Variants in MGAT5 observed in about 807,000 individuals in gnomAD.
The protein encoded by MGAT5 is alpha-1,6-mannosylglycoprotein 6-beta-N-acetylglucosaminyltransferase, also known as alpha-1,6-mannosylglycoprotein 6-beta-N-acetylglucosaminyltransferase A.
In MGAT5, 30 loss-of-function variants were observed where a neutral mutation model predicts 94.3. The ratio of observed to expected loss-of-function variants is 0.32; its 90% CI spans 0.24 to 0.43. MGAT5 has a LOEUF of 0.43. MGAT5 is among the 20% of genes least tolerant of loss of function. MGAT5 has a pLI of 1.00. For missense variants in MGAT5, 691 were observed against 905.5 expected (o/e 0.76, Z 3.04); for synonymous variants, 310 against 322.9 (o/e 0.96, Z 0.43).
At chr2:134,186,154 A>G (rs1336197469) in intron 1 of MGAT5, among the ~76,000 whole-genome samples, 1 of 152,240 alleles carries the variant, frequency 6.6e-6, no homozygotes, top group Non-Finnish European at 1.5e-5. Context: ...TGTCTCCCCA[A>G]ATGGGAAAGA....
In MGAT5 at chr2:134,451,143, CCTT is replaced by C. The variant is rs1337912358; in HGVS notation, c.*2297_*2299del. ...CTTAAGCAAGGAAGCTGAAAGGTAA[CCTT>C]AGCCCTGCCTTGTGTTCCAAAAGCT... On this transcript the variant is annotated 3_prime_UTR_variant, in exon 16 of 16. Transcript: ENST00000281923. 4 of 152,160 alleles carry C rather than the reference CCTT, an allele frequency of 2.6e-5. No homozygotes were observed. Among genetic ancestry groups the C allele is most frequent in the African/African-American group, 9.7e-5 (4 of 41,422 alleles). 9.4% of individuals were successfully genotyped at this position (152,160 alleles called of 1,614,324 possible).
intron 1 of MGAT5, among the ~76,000 whole-genome samples, chr2:134,197,403 A>G (rs530523607): frequency 6.6e-6 from 1 of 152,340 alleles, no homozygotes; most frequent in East Asian, 1.9e-4. Context: ...TCAATTCAAA[A>G]GGTCGGTTGA....
At chr2:134,317,466 A>C (rs1292545755) in intron 2 of MGAT5, 63 bp from the exon 3 acceptor site, 10 of 1,267,350 alleles carry the variant, frequency 7.9e-6, no homozygotes, top group Admixed American at 2.5e-5. Context: ...TTGGCTTACA[A>C]GAATGTTAGG....
At chr2:134,334,070 A>T (rs1393991907) in intron 4 of MGAT5, among the ~76,000 whole-genome samples, 1 of 152,170 alleles carries the variant, frequency 6.6e-6, no homozygotes. Flanking sequence ...TATAACAGCA[A>T]AATTTCTTGC....
chr2:134,341,803 G>T, intron 7 of MGAT5, 44 bp downstream of exon 7: 1 of 1,541,592 alleles, frequency 6.5e-7, no homozygotes. Context: ...ATACAAAAAA[G>T]AAATTGTAAA....
chr2:134,313,233 C>T (rs1686800631), intron 2 of MGAT5, among the ~76,000 whole-genome samples: 1 of 152,160 alleles, frequency 6.6e-6, no homozygotes, highest in African/African-American at 2.4e-5. Context: ...CCACGCCTCA[C>T]AGGAACACCC....
chr2:134,165,466 A>G (rs1277430531), intron 1 of MGAT5, among the ~76,000 whole-genome samples: 2 of 152,138 alleles, frequency 1.3e-5, no homozygotes, highest in Non-Finnish European at 2.9e-5. Context: ...TGCTCATAGC[A>G]TTCAGGTCTT....
intron 1 of MGAT5, among the ~76,000 whole-genome samples, chr2:134,218,821 A>C (rs980382081): frequency 1.3e-4 from 20 of 152,044 alleles, no homozygotes; most frequent in African/African-American, 4.8e-4. Flanking sequence ...CTTAATTGGG[A>C]CTATTCATTC....
intron 10 of MGAT5, among the ~76,000 whole-genome samples, chr2:134,375,914 A>G (rs554045210): frequency 6.6e-6 from 1 of 152,274 alleles, no homozygotes; most frequent in East Asian, 1.9e-4. Context: ...GGGGTGTTTC[A>G]TGACCACAGA....
At chr2:134,159,375 G>A (rs1210365345) in intron 1 of MGAT5, among the ~76,000 whole-genome samples, 1 of 152,098 alleles carries the variant, frequency 6.6e-6, no homozygotes, top group East Asian at 1.9e-4. Context: ...GAATGTTAAA[G>A]CATTTGAACG....
intron 1 of MGAT5, among the ~76,000 whole-genome samples, chr2:134,145,785 G>A (rs983377122): frequency 2.0e-5 from 3 of 152,152 alleles, no homozygotes; most frequent in Admixed American, 2.0e-4. Flanking sequence ...TGAGGTTGTG[G>A]GAAAAATTAA....
chr2:134,349,782 A>G, intron 8 of MGAT5, 23 bp from the exon 9 acceptor site: 1 of 1,612,298 alleles, frequency 6.2e-7, no homozygotes, highest in Non-Finnish European at 8.5e-7. Context: ...TGTAGTGTTC[A>G]ACACATTGCT....
At chr2:134,363,159 A>G (rs911306965) in intron 10 of MGAT5, among the ~76,000 whole-genome samples, 5 of 152,206 alleles carry the variant, frequency 3.3e-5, no homozygotes, top group African/African-American at 4.8e-5. Flanking sequence ...AGAAGATAGA[A>G]GTCTTCAGGA....
intron 15 of MGAT5, among the ~76,000 whole-genome samples, chr2:134,443,246 G>C (rs1218009914): frequency 6.6e-6 from 1 of 152,112 alleles, no homozygotes; most frequent in Admixed American, 6.6e-5. Flanking sequence ...CTGGAGTGCA[G>C]TGGCGCGATC....
chr2:134,293,215 G>A (rs937103130), intron 2 of MGAT5, among the ~76,000 whole-genome samples: 3 of 152,144 alleles, frequency 2.0e-5, no homozygotes, highest in Non-Finnish European at 4.4e-5. Context: ...TAGAAAATAC[G>A]AAAATTGAAA....
intron 1 of MGAT5, among the ~76,000 whole-genome samples, chr2:134,257,477 C>T (rs565094720): frequency 4.5e-4 from 69 of 152,306 alleles, no homozygotes; most frequent in African/African-American, 1.6e-3. Context: ...CCGCCTCAGC[C>T]TCCCAAAGTG....
chr2:134,135,492 G>A (rs1686361498), intron 1 of MGAT5, among the ~76,000 whole-genome samples: 1 of 151,900 alleles, frequency 6.6e-6, no homozygotes, highest in Non-Finnish European at 1.5e-5. Context: ...AAGAGATTGA[G>A]ACCATCCTGG....
chr2:134,227,916 G>A (rs757662297), intron 1 of MGAT5, among the ~76,000 whole-genome samples: 1 of 152,152 alleles, frequency 6.6e-6, no homozygotes, highest in Non-Finnish European at 1.5e-5. Context: ...TGGTTGGCAG[G>A]CTTTTCACTC....
At chr2:134,256,345 G>A (rs1384209275) in intron 1 of MGAT5, among the ~76,000 whole-genome samples, 1 of 152,184 alleles carries the variant, frequency 6.6e-6, no homozygotes, top group East Asian at 1.9e-4. Context: ...TAACACAGGT[G>A]CAGTTTTAAA....
Sources: gnomAD v4.1 joint callset for allele counts (sites outside exome capture counted in the v4.1 genomes callset) on GRCh38, gnomAD v4.1.1 for gene constraint, MANE v1.5 for transcripts, NCBI Gene and HGNC (gene_info 2026-07-23, HGNC 2026-07-21) for gene names.